Variants in NOP14 observed in about 807,000 individuals in gnomAD.
NOP14 encodes the protein nucleolar protein 14.
Under a neutral mutation model 101.6 loss-of-function variants are expected in NOP14, and 57 were observed. That is an observed-to-expected ratio of 0.56 (90% CI 0.45 to 0.70). The LOEUF is 0.70. Among genes scored for constraint, NOP14 ranks in the 30% least tolerant of loss-of-function variants. The pLI is 0.00. For missense variants in NOP14, 1,134 were observed against 1,075.5 expected (o/e 1.05, Z -0.76); for synonymous variants, 428 against 424.0 (o/e 1.01, Z -0.12).
chr4:2,944,747 G>A (rs1714486888), intron 12 of NOP14, among the ~76,000 whole-genome samples: 1 of 152,184 alleles, frequency 6.6e-6, no homozygotes, highest in African/African-American at 2.4e-5. Flanking sequence ...CCCATACAGA[G>A]CGTACGATTA....
intron 8 of NOP14, among the ~76,000 whole-genome samples, 177 bp from the exon 9 acceptor site, chr4:2,948,585 G>C (rs891939128): frequency 1.3e-5 from 2 of 152,190 alleles, no homozygotes; most frequent in African/African-American, 4.8e-5. Flanking sequence ...CTGCTGAGTA[G>C]CTGGGATTAC....
At chr4:2,960,496 TCTTA>T (rs1482324150) in intron 1 of NOP14, among the ~76,000 whole-genome samples, 2 of 151,946 alleles carry the variant, frequency 1.3e-5, no homozygotes, top group African/African-American at 2.4e-5. Context: ...TCTCTTTCTT[TCTTA>T]AACTATATAG....
chr4:2,954,177 C>A (rs750499241), intron 4 of NOP14, among the ~76,000 whole-genome samples: 3 of 152,014 alleles, frequency 2.0e-5, no homozygotes, highest in African/African-American at 7.3e-5. Context: ...TACTCCAGCC[C>A]GGGAAACAGA....
intron 1 of NOP14, among the ~76,000 whole-genome samples, chr4:2,958,036 C>G (rs1239952772): frequency 6.6e-6 from 1 of 152,140 alleles, no homozygotes; most frequent in African/African-American, 2.4e-5. Flanking sequence ...GAATGGCTCC[C>G]TCGGCTGTAA....
intron 10 of NOP14, chr4:2,947,206 C>T (rs778566985): frequency 4.5e-5 from 18 of 403,948 alleles, no homozygotes; most frequent in South Asian, 3.1e-4. Context: ...TTCCAAATAC[C>T]GCTCAGTCAC....
intron 1 of NOP14, among the ~76,000 whole-genome samples, chr4:2,958,901 G>A (rs1195861147): frequency 6.6e-6 from 1 of 152,200 alleles, no homozygotes; most frequent in Non-Finnish European, 1.5e-5. Flanking sequence ...AGAGTGGAAG[G>A]GGTTAAGAAG....
intron 15 of NOP14, 41 bp from the exon 16 acceptor site, chr4:2,939,686 G>A: frequency 6.8e-7 from 1 of 1,473,370 alleles, no homozygotes; most frequent in Non-Finnish European, 9.5e-7. Context: ...TGACTCACCT[G>A]CTGCGTGCCC....
chr4:2,942,305 T>C lies in NOP14; in HGVS notation c.1938A>G (p.Glu646=). 1 of 1,614,090 alleles carries C rather than the reference T, an allele frequency of 6.2e-7. No homozygotes were observed. The highest frequency in any genetic ancestry group is 1.1e-5 in the South Asian group (1 of 91,078). Residue 646 remains glutamate (E), a synonymous_variant, in exon 14 of 18, where the codon GAA becomes GAG. Coordinates refer to ENST00000416614, the MANE Select transcript of NOP14 (RefSeq NM_001291978.2). ...CCTCTCTAGCAGACACCACGAGCAG[T>C]TCCGAGTTCTTCCCAAGCGCTCTGA... ...HPFRALGKNS[E]LLVVSAREDV... is the part of the protein sequence containing the mutation.
In NOP14 at chr4:2,939,168, C is replaced by T. The variant is rs748527606; in HGVS notation, c.2474+20G>A. The T allele has an allele frequency of 6.8e-6, 11 of 1,613,534 alleles. No homozygotes were observed. The highest frequency in any genetic ancestry group is 8.5e-6 in the Non-Finnish European group (10 of 1,179,798). On this transcript the variant is annotated intron_variant, in intron 17 of 17. Coordinates refer to ENST00000416614, the MANE Select transcript of NOP14 (RefSeq NM_001291978.2). ...GCTGAGTGACACCACAATCGTGTCG[C>T]ACACACACGTCCCCCTCACCGTTCC...
At position 2,946,641 on chromosome 4, in the gene NOP14, G is replaced by A. The variant is rs1018741608; in HGVS notation, c.1500-94C>T. On this transcript the variant is annotated intron_variant, in intron 10 of 17. Coordinates refer to ENST00000416614, the MANE Select transcript of NOP14 (RefSeq NM_001291978.2). The stretch of plus-strand genomic sequence containing the variant: ...CCACTTTCCTATGCAGTCACCTGTT[G>A]ACTGAGCAAGTAAGAACTGGATGAA... The A allele has an allele frequency of 2.1e-5, 24 of 1,118,898 alleles. No individual in the cohort carries two copies. In the Middle Eastern group the frequency reaches 5.9e-4, roughly 28 times the overall value. 69.3% of individuals were successfully genotyped at this position (1,118,898 alleles called of 1,614,324 possible).
chr4:2,956,348 G>A (rs1715341773), intron 3 of NOP14, among the ~76,000 whole-genome samples: 1 of 152,132 alleles, frequency 6.6e-6, no homozygotes, highest in South Asian at 2.1e-4. Flanking sequence ...CTCTGACTCT[G>A]GCATCGGGCA....
At chr4:2,955,086 C>G (rs938567418) in intron 3 of NOP14, among the ~76,000 whole-genome samples, 3 of 141,730 alleles carry the variant, frequency 2.1e-5, no homozygotes, top group African/African-American at 8.0e-5. Flanking sequence ...CTCTAGTCAC[C>G]TGCGCCACGG....
At chr4:2,960,489 C>T (rs1251549303) in intron 1 of NOP14, among the ~76,000 whole-genome samples, 2 of 151,916 alleles carry the variant, frequency 1.3e-5, no homozygotes, top group Admixed American at 6.6e-5. Flanking sequence ...TTGTGATTCT[C>T]TTTCTTTCTT....
rs1256096881 is a variant in NOP14 at position 2,960,927 on chromosome 4, ATTTTAATATTATAT to A, written c.195+2184_195+2197del. ...ATTATATTAATATTATATCGATATT[ATTTTAATATTATAT>A]CAATATTATTATATTAATATTATAT... On this transcript the variant is annotated intron_variant, in intron 1 of 17. Transcript: ENST00000416614. 5.8e-5 allele frequency among the ~76,000 whole-genome samples: 4 copies of A among 69,098 alleles called. 1 individual carries two copies. The highest frequency in any genetic ancestry group is 1.1e-4 in the Non-Finnish European group (4 of 35,838). 45.3% of individuals were successfully genotyped at this position (69,098 alleles called of 152,430 possible). A position where few individuals can be genotyped will look rare whatever the true frequency, so the allele number is the denominator to read the frequency against.
intron 8 of NOP14, among the ~76,000 whole-genome samples, 178 bp downstream of exon 8, chr4:2,949,756 A>G (rs1034961381): frequency 3.3e-5 from 5 of 152,126 alleles, no homozygotes; most frequent in Admixed American, 2.0e-4. Context: ...ACAAACTAAG[A>G]TGACCACTCA....
rs757573987 is a variant in NOP14 at position 2,941,636 on chromosome 4, G to A, written c.2145C>T (p.Leu715=). The A allele has an allele frequency of 1.2e-6, 2 of 1,613,408 alleles. No individual in the cohort carries two copies. Among genetic ancestry groups the A allele is most frequent in the South Asian group, 2.2e-5 (2 of 90,906 alleles). Residue 715 remains leucine (L), a synonymous_variant, in exon 15 of 18, where the codon CTC becomes CTT. Transcript: ENST00000416614. ...LPSFHAIMGP[L]QALLTDHLAD... is the part of the protein sequence containing the mutation. ...CCAGGTGATCCGTGAGGAGGGCTTG[G>A]AGAGGCCCCATGATGGCGTGGAAGG...
intron 1 of NOP14, among the ~76,000 whole-genome samples, chr4:2,962,328 T>C (rs1324755196): frequency 6.6e-6 from 1 of 152,228 alleles, no homozygotes; most frequent in Non-Finnish European, 1.5e-5. Flanking sequence ...AAGTCAGCTG[T>C]AAGTCTATCT....
chr4:2,955,453 C>T, intron 3 of NOP14, among the ~76,000 whole-genome samples: 1 of 131,502 alleles, frequency 7.6e-6, no homozygotes, highest in Non-Finnish European at 1.6e-5. Context: ...ACCTGCACCA[C>T]AGCGCCCCCT....
rs754444925 is a variant in NOP14 at position 2,953,527 on chromosome 4, T to C, written c.731A>G (p.Lys244Arg). ...GGCTCCCACCTTGGGTTTTTCCTTT[T>C]TGTCTCTGTTCTCTGACTTGGGAGT... ...HKTPKSENRD[K>R]KEKPKPDAYD... Residue 244 changes from lysine to arginine, a missense_variant, in exon 5 of 18, where the codon AAA (lysine) becomes AGA (arginine). Transcript: ENST00000416614. 6.8e-6 allele frequency: 11 copies of C among 1,614,102 alleles called. No individual in the cohort carries two copies. The highest frequency in any genetic ancestry group is 9.3e-6 in the Non-Finnish European group (11 of 1,180,046).
Sources: allele counts gnomAD v4.1 joint callset (sites outside exome capture counted in the v4.1 genomes callset), GRCh38; gene constraint gnomAD v4.1.1; transcripts MANE v1.5; gene names NCBI Gene and HGNC (gene_info 2026-07-23, HGNC 2026-07-21).